Variants in MGAT4D observed in about 807,000 individuals in gnomAD.
MGAT4D encodes MGAT4 family member D.
In MGAT4D, 34 loss-of-function variants were observed where a neutral mutation model predicts 15.9. The ratio of observed to expected loss-of-function variants is 2.14; its 90% confidence interval spans 1.62 to 2.84. The LOEUF is 2.84. Ranked by LOEUF, MGAT4D falls within the 30% of genes most tolerant of loss-of-function variation. MGAT4D has a pLI of 0.00. For missense variants in MGAT4D, 327 were observed against 140.2 expected (o/e 2.33, Z -6.73); for synonymous variants, 112 against 48.2 (o/e 2.33, Z -5.49).
At chr4:140,445,034 A>G (rs1325887324) in intron 10 of MGAT4D, among the ~76,000 whole-genome samples, 7 of 147,964 alleles carry the variant, frequency 4.7e-5, no homozygotes, top group Admixed American at 4.1e-4. Context: ...GGCACGTGCC[A>G]CCACGCCCAG....
At position 140,498,262 on chromosome 4, in the gene MGAT4D, G is replaced by C; in HGVS notation, c.-40C>G. On this transcript the variant is annotated 5_prime_UTR_variant, in exon 1 of 11. Transcript: ENST00000511113. ...TGCGGGAGGCCGGCGGGTGGAGGCG[G>C]CGGATAATGCCAGGGACGGGGTTGA... The C allele has an allele frequency of 1.4e-6, 1 of 701,440 alleles. No homozygotes were observed. Among genetic ancestry groups the C allele is most frequent in the South Asian group, 1.5e-5 (1 of 67,454 alleles). The allele number at this position is 701,440 out of a possible 1,614,324, so 43.5% of individuals were successfully genotyped here. A position where few individuals can be genotyped will look rare whatever the true frequency, so the allele number is the denominator to read the frequency against.
rs1439707896 is a variant in MGAT4D at position 140,442,419 on chromosome 4, C to T, written c.*1017G>A. 3 of 151,904 alleles carry T rather than the reference C, an allele frequency of 2.0e-5. No homozygotes were observed. Among genetic ancestry groups the T allele is most frequent in the African/African-American group, 2.4e-5 (1 of 41,370 alleles). The allele number at this position is 151,904 out of a possible 1,614,324, so 9.4% of individuals were successfully genotyped here. A position where few individuals can be genotyped will look rare whatever the true frequency, so the allele number is the denominator to read the frequency against. ...AACAAATAAATATCACTTATTATTG[C>T]TCAAAATAAGTAATACCTTACAGAA... On this transcript the variant is annotated 3_prime_UTR_variant, in exon 11 of 11. Transcript: ENST00000511113.
In MGAT4D at chr4:140,474,975, T is replaced by C. The variant is rs1319640497; in HGVS notation, c.392-29A>G. 1.3e-5 allele frequency: 8 copies of C among 609,766 alleles called. No individual in the cohort carries two copies. The East Asian group carries it at 2.4e-4, about 18-fold the overall frequency. 37.8% of individuals were successfully genotyped at this position (609,766 alleles called of 1,614,324 possible). On this transcript the variant is annotated intron_variant, in intron 3 of 10. Transcript: ENST00000511113. ...TGGACATAGGAGTATGAAATCATCA[T>C]TCCATACCACAGAGAAAAACATAGT...
chr4:140,479,769 T>G (rs1224178378), intron 2 of MGAT4D, 142 bp from the exon 3 acceptor site: 7 of 295,142 alleles, frequency 2.4e-5, no homozygotes, highest in Non-Finnish European at 4.3e-5. Context: ...AAATGTAAAT[T>G]ATTAAAATAA....
At chr4:140,446,639 CT>C (rs1029607489) in intron 10 of MGAT4D, among the ~76,000 whole-genome samples, 1 of 147,604 alleles carries the variant, frequency 6.8e-6, no homozygotes, top group African/African-American at 2.5e-5. Flanking sequence ...ATTCATTGAT[CT>C]TTTGAATGGT....
At chr4:140,469,749 TTTGTTTTG>T (rs1289673963) in intron 5 of MGAT4D, among the ~76,000 whole-genome samples, 5 of 152,172 alleles carry the variant, frequency 3.3e-5, no homozygotes, top group Non-Finnish European at 7.3e-5. Flanking sequence ...TTCAGGGTTT[TTTGTTTTG>T]TTGTTTTGTT....
intron 10 of MGAT4D, among the ~76,000 whole-genome samples, chr4:140,445,861 G>A (rs1489944957): frequency 6.6e-6 from 1 of 151,960 alleles, no homozygotes; most frequent in Non-Finnish European, 1.5e-5. Context: ...ATTATTTCTG[G>A]GCTCTCTATT....
chr4:140,469,602 TC>T (rs1199062893), intron 5 of MGAT4D, among the ~76,000 whole-genome samples: 4 of 152,202 alleles, frequency 2.6e-5, no homozygotes, highest in Admixed American at 2.0e-4. Context: ...TCTTCCCCCA[TC>T]CCCATTCCAC....
intron 2 of MGAT4D, among the ~76,000 whole-genome samples, chr4:140,480,516 G>C (rs1336065311): frequency 1.3e-5 from 2 of 151,990 alleles, no homozygotes; most frequent in Non-Finnish European, 2.9e-5. Flanking sequence ...AATTAAAAAT[G>C]CTTGCCCCCT....
intron 3 of MGAT4D, among the ~76,000 whole-genome samples, chr4:140,475,867 A>G (rs112360584): frequency 0.088 from 12,298 of 140,196 alleles, 535 homozygotes; most frequent in Admixed American, 0.11. Flanking sequence ...GCTGGAGTGC[A>G]ATGGCTCAAT....
At chr4:140,459,940 C>G (rs894189007) in intron 7 of MGAT4D, among the ~76,000 whole-genome samples, 1 of 151,820 alleles carries the variant, frequency 6.6e-6, no homozygotes, top group African/African-American at 2.4e-5. Context: ...ACCATGCTGC[C>G]CAGGCTGGTT....
At chr4:140,455,111 T>C (rs918314269) in intron 9 of MGAT4D, among the ~76,000 whole-genome samples, 5 of 152,158 alleles carry the variant, frequency 3.3e-5, no homozygotes, top group Admixed American at 6.5e-5. Flanking sequence ...TTCCCTCTCT[T>C]CCTTTGCTTT....
chr4:140,470,592 T>C (rs1172456065), intron 5 of MGAT4D, among the ~76,000 whole-genome samples: 1 of 152,178 alleles, frequency 6.6e-6, no homozygotes, highest in Non-Finnish European at 1.5e-5. Flanking sequence ...CCTTCCGCCT[T>C]AACTCCAAAT....
rs1732795266 is a variant in MGAT4D, at chr4:140,482,367, C to T, written c.213G>A (p.Lys71=). The T allele has an allele frequency of 3.1e-6, 2 of 649,954 alleles. No individual in the cohort carries two copies. Among genetic ancestry groups the T allele is most frequent in the South Asian group, 1.7e-5 (1 of 57,908 alleles). The allele number at this position is 649,954 out of a possible 1,614,324, so 40.3% of individuals were successfully genotyped here. ...QEMMKVLNRM[K]YEITKREILS... ...AAATTTCTCTCTTTGTAATTTCATA[C>T]TTCATTCGATTCAAAACTTTCATCA... The change falls in exon 2 of 11, where the codon AAG becomes AAA. Residue 71 remains lysine, a synonymous_variant. Transcript: ENST00000511113.
chr4:140,487,346 C>G (rs1178446940), intron 1 of MGAT4D, among the ~76,000 whole-genome samples: 1 of 152,178 alleles, frequency 6.6e-6, no homozygotes, highest in Non-Finnish European at 1.5e-5. Context: ...AATGTGACTT[C>G]TGCACATTAA....
intron 5 of MGAT4D, among the ~76,000 whole-genome samples, chr4:140,465,987 T>C (rs1233422081): frequency 1.3e-5 from 2 of 152,212 alleles, no homozygotes; most frequent in East Asian, 1.9e-4. Context: ...TAGTGACTAA[T>C]TGCATCACTT....
At chr4:140,493,993 T>C (rs967896311) in intron 1 of MGAT4D, among the ~76,000 whole-genome samples, 3 of 152,124 alleles carry the variant, frequency 2.0e-5, no homozygotes, top group Non-Finnish European at 2.9e-5. Context: ...GGCAGGCAAG[T>C]GTTGGCTTTT....
intron 3 of MGAT4D, among the ~76,000 whole-genome samples, chr4:140,476,968 T>G (rs1256878405): frequency 2.6e-5 from 4 of 152,158 alleles, no homozygotes; most frequent in African/African-American, 4.8e-5. Context: ...ACATAAAGAC[T>G]GATACATGGT....
intron 8 of MGAT4D, chr4:140,459,083 T>A (rs6843092): frequency 0.19 from 29,422 of 152,132 alleles, 2,920 homozygotes; most frequent in South Asian, 0.28. Flanking sequence ...TATGTTTTTA[T>A]ATTTTTTAAG....
Sources: gnomAD v4.1 joint callset for allele counts (sites outside exome capture counted in the v4.1 genomes callset) on GRCh38, gnomAD v4.1.1 for gene constraint, MANE v1.5 for transcripts, NCBI Gene and HGNC (gene_info 2026-07-23, HGNC 2026-07-21) for gene names.